Variants in FBXL7 observed in about 807,000 individuals in gnomAD.
FBXL7 encodes the protein F-box and leucine rich repeat protein 7, also known as F-box/LRR-repeat protein 7.
FBXL7 carries 12 observed loss-of-function variants against 38.3 expected under a neutral mutation model. That is an observed-to-expected ratio of 0.31 (90% CI 0.20 to 0.51). The LOEUF (loss-of-function observed/expected upper bound fraction) is 0.51. Among genes scored for constraint, FBXL7 ranks in the 20% least tolerant of loss-of-function variants. The pLI is 0.98. For missense variants in FBXL7, 567 were observed against 676.4 expected (o/e 0.84, Z 1.79); for synonymous variants, 297 against 300.9 (o/e 0.99, Z 0.13).
Position 15,938,325 on chromosome 5 carries a change from A to T in FBXL7, c.*1139A>T, listed in dbSNP as rs1308908791. 2 of 152,208 alleles carry T rather than the reference A, an allele frequency of 1.3e-5. No individual in the cohort carries two copies. Among genetic ancestry groups the T allele is most frequent in the Non-Finnish European group, 2.9e-5 (2 of 68,048 alleles). The allele number at this position is 152,208 out of a possible 1,614,324, so 9.4% of individuals were successfully genotyped here. ...ATTAACAAGCAAGGCCCAAGGGAAC[A>T]CATGTCCTCAAAAGTTTTTCTGATC... On this transcript the variant is annotated 3_prime_UTR_variant, in exon 4 of 4. Transcript: ENST00000504595.
chr5:15,659,036 T>G (rs1186374852), intron 2 of FBXL7, among the ~76,000 whole-genome samples: 2 of 152,190 alleles, frequency 1.3e-5, no homozygotes, highest in East Asian at 1.9e-4. Context: ...CTTTTAAGTT[T>G]CCTGAGGCTT....
rs888985516 is a variant in FBXL7 at position 15,938,735 on chromosome 5, T to C, written c.*1549T>C. ...TAAAATCATTACAAGGTATGGATTT[T>C]AAATGGATGAAACTTCAAATTATCT... On this transcript the variant is annotated 3_prime_UTR_variant, in exon 4 of 4. Coordinates refer to ENST00000504595, the MANE Select transcript of FBXL7 (RefSeq NM_012304.5). The C allele has an allele frequency of 8.5e-6, 3 of 351,056 alleles. No homozygotes were observed. The highest frequency in any genetic ancestry group is 9.4e-5 in the Admixed American group (2 of 21,200). 21.7% of individuals were successfully genotyped at this position (351,056 alleles called of 1,614,324 possible). A position where few individuals can be genotyped will look rare whatever the true frequency, so the allele number is the denominator to read the frequency against.
intron 2 of FBXL7, among the ~76,000 whole-genome samples, chr5:15,722,347 C>G (rs1469808914): frequency 1.3e-5 from 2 of 152,134 alleles, no homozygotes; most frequent in Non-Finnish European, 2.9e-5. Context: ...CTATATTGTC[C>G]TATACTGACA....
intron 2 of FBXL7, among the ~76,000 whole-genome samples, chr5:15,623,621 T>G (rs1041558120): frequency 1.3e-5 from 2 of 152,212 alleles, no homozygotes; most frequent in Non-Finnish European, 2.9e-5. Flanking sequence ...ATTGTCTTCT[T>G]TCTACTTCTT....
intron 1 of FBXL7, among the ~76,000 whole-genome samples, chr5:15,502,652 A>G (rs1297646173): frequency 2.0e-5 from 3 of 152,224 alleles, no homozygotes; most frequent in Non-Finnish European, 4.4e-5. Flanking sequence ...CCTCTGTTAC[A>G]GGTGAGGAAA....
chr5:15,544,850 T>C (rs556196057), intron 1 of FBXL7, among the ~76,000 whole-genome samples: 2 of 152,360 alleles, frequency 1.3e-5, no homozygotes, highest in East Asian at 3.9e-4. Flanking sequence ...TGCATCTTCA[T>C]CTGACTTCAT....
chr5:15,712,217 C>T (rs981154883), intron 2 of FBXL7, among the ~76,000 whole-genome samples: 1 of 152,078 alleles, frequency 6.6e-6, no homozygotes, highest in Non-Finnish European at 1.5e-5. Context: ...TTCCTGTAGT[C>T]AAATTTGCAA....
rs1554017098 is a variant in FBXL7, at chr5:15,722,930, C to CAAAAAAAAACA, written c.127+106867_127+106868insCAAAAAAAAAA. Among the ~76,000 whole-genome samples, 685 of 142,116 alleles carry CAAAAAAAAACA rather than the reference C, an allele frequency of 4.8e-3. 9 individuals are homozygous for CAAAAAAAAACA. Among genetic ancestry groups the CAAAAAAAAACA allele is most frequent in the African/African-American group, 0.016 (609 of 38,152 alleles). 93.2% of individuals were successfully genotyped at this position (142,116 alleles called of 152,430 possible). The stretch of plus-strand genomic sequence containing the variant: ...GAGCAAGACTCCGTCTCAAAAAAAA[C>CAAAAAAAAACA]AAAAAAAAAAAGAGAGAAGAGAAAA... On this transcript the variant is annotated intron_variant, in intron 2 of 3. Coordinates refer to ENST00000504595, the MANE Select transcript of FBXL7 (RefSeq NM_012304.5).
At chr5:15,779,993 A>G (rs777882603) in intron 2 of FBXL7, among the ~76,000 whole-genome samples, 1 of 152,080 alleles carries the variant, frequency 6.6e-6, no homozygotes, top group Non-Finnish European at 1.5e-5. Flanking sequence ...TCAAAAATGG[A>G]TTTGAAAACT....
At chr5:15,660,777 A>T (rs1561074074) in intron 2 of FBXL7, among the ~76,000 whole-genome samples, 1 of 152,236 alleles carries the variant, frequency 6.6e-6, no homozygotes, top group South Asian at 2.1e-4. Context: ...ACATATTAGC[A>T]TGAGGTTATA....
intron 2 of FBXL7, among the ~76,000 whole-genome samples, chr5:15,850,506 G>T (rs185255238): frequency 6.6e-6 from 1 of 152,300 alleles, no homozygotes; most frequent in East Asian, 1.9e-4. Flanking sequence ...CTTTATCCAT[G>T]TCATTTACAG....
chr5:15,545,671 G>A (rs1197815022), intron 1 of FBXL7, among the ~76,000 whole-genome samples: 1 of 152,140 alleles, frequency 6.6e-6, no homozygotes, highest in Non-Finnish European at 1.5e-5. Flanking sequence ...TAATAGATGT[G>A]CTGGGGACAA....
chr5:15,847,103 C>T (rs1738928956), intron 2 of FBXL7, among the ~76,000 whole-genome samples: 1 of 152,086 alleles, frequency 6.6e-6, no homozygotes, highest in Non-Finnish European at 1.5e-5. Flanking sequence ...GGAAGCACTG[C>T]TTTACCCAGT....
At chr5:15,887,353 CAT>C (rs1041321071) in intron 2 of FBXL7, among the ~76,000 whole-genome samples, 6 of 152,136 alleles carry the variant, frequency 3.9e-5, no homozygotes. Flanking sequence ...GAGGGAGGAA[CAT>C]ATGTGGAAGG....
chr5:15,553,438 T>G (rs1354163592), intron 1 of FBXL7, among the ~76,000 whole-genome samples: 1 of 152,228 alleles, frequency 6.6e-6, no homozygotes, highest in Non-Finnish European at 1.5e-5. Context: ...CAAGTTGTAA[T>G]TTTACATTTA....
chr5:15,668,805 G>T (rs982790803), intron 2 of FBXL7, among the ~76,000 whole-genome samples: 2 of 152,108 alleles, frequency 1.3e-5, no homozygotes, highest in East Asian at 1.9e-4. Context: ...TAAAGACCTA[G>T]GTCAGGAGGT....
rs553450431 is a variant in FBXL7, at chr5:15,580,492, A to G, written c.38-35491A>G. On this transcript the variant is annotated intron_variant, in intron 1 of 3. Coordinates refer to ENST00000504595, the MANE Select transcript of FBXL7 (RefSeq NM_012304.5). ...GTCATCTTTGGTCAATATGCCATACACTGGTTTATAATTACCTAAAAACAG... is the reference window on the plus strand; with the variant it reads ...GTCATCTTTGGTCAATATGCCATACGCTGGTTTATAATTACCTAAAAACAG... The G allele has an allele frequency of 2.1e-5, 7 of 338,386 alleles. No homozygotes were observed. The East Asian group carries it at 1.0e-3, about 49-fold the overall frequency. The allele number at this position is 338,386 out of a possible 1,614,324, so 21.0% of individuals were successfully genotyped here. A position where few individuals can be genotyped will look rare whatever the true frequency, so the allele number is the denominator to read the frequency against.
chr5:15,624,107 C>T (rs1169673194), intron 2 of FBXL7, among the ~76,000 whole-genome samples: 2 of 152,140 alleles, frequency 1.3e-5, no homozygotes, highest in Non-Finnish European at 2.9e-5. Flanking sequence ...TTGTGTTTAG[C>T]TTGTCAGTAT....
chr5:15,845,380 A>C (rs1036046497), intron 2 of FBXL7, among the ~76,000 whole-genome samples: 1 of 152,112 alleles, frequency 6.6e-6, no homozygotes, highest in East Asian at 1.9e-4. Flanking sequence ...ATAGGATTTT[A>C]AGTGTCAAGG....
Sources: gnomAD v4.1 joint callset for allele counts (sites outside exome capture counted in the v4.1 genomes callset) on GRCh38, gnomAD v4.1.1 for gene constraint, MANE v1.5 for transcripts, NCBI Gene and HGNC (gene_info 2026-07-23, HGNC 2026-07-21) for gene names.